The following GSK3B variants were observed in gnomAD, a reference collection of about 807,000 sequenced individuals.
GSK3B encodes the protein glycogen synthase kinase-3 beta.
GSK3B carries 15 observed loss-of-function variants against 56.4 expected under a neutral mutation model. The ratio of observed to expected loss-of-function variants is 0.27; its 90% CI spans 0.18 to 0.41. The LOEUF (loss-of-function observed/expected upper bound fraction) is 0.41, where lower values mean the gene tolerates loss of function less well. Among genes scored for constraint, GSK3B ranks in the 10% least tolerant of loss-of-function variants. The probability of loss-of-function intolerance (pLI) is 1.00; values close to 1 mark genes in which losing one functional copy is unlikely to be tolerated. For missense variants in GSK3B, 300 were observed against 513.4 expected (o/e 0.58, Z 4.02); for synonymous variants, 181 against 188.9 (o/e 0.96, Z 0.34).
chr3:119,944,163 A>G (rs1028495935), intron 3 of GSK3B, among the ~76,000 whole-genome samples: 2 of 152,122 alleles, frequency 1.3e-5, no homozygotes, highest in African/African-American at 4.8e-5. Context: ...CATCTTCACA[A>G]TGTCCTCAAC....
chr3:119,994,854 T>C (rs903420617), intron 2 of GSK3B, among the ~76,000 whole-genome samples: 3 of 152,084 alleles, frequency 2.0e-5, no homozygotes. Context: ...TTGGAACAAC[T>C]GGAGATATTT....
At chr3:119,949,770 GGCAACAGA>G (rs917385285) in intron 2 of GSK3B, among the ~76,000 whole-genome samples, 2 of 141,162 alleles carry the variant, frequency 1.4e-5, no homozygotes, top group African/African-American at 2.8e-5. Context: ...CACAGCACTG[GGCAACAGA>G]GCAAGACTCC....
chr3:119,912,936 G>A, intron 5 of GSK3B, 126 bp from the exon 6 acceptor site: 1 of 456,230 alleles, frequency 2.2e-6, no homozygotes, highest in Non-Finnish European at 3.9e-6. Context: ...AATCATATAT[G>A]AAAAAGAAAA....
chr3:120,025,251 T>C (rs1470314359), intron 1 of GSK3B, among the ~76,000 whole-genome samples: 4 of 152,056 alleles, frequency 2.6e-5, no homozygotes, highest in African/African-American at 9.7e-5. Flanking sequence ...GGTTGAGGCA[T>C]GAGAATCACT....
chr3:119,991,732 T>C (rs1391628354), intron 2 of GSK3B, among the ~76,000 whole-genome samples: 1 of 152,090 alleles, frequency 6.6e-6, no homozygotes, highest in East Asian at 1.9e-4. Context: ...GAGAAACAAA[T>C]AGGTCAATAT....
intron 2 of GSK3B, among the ~76,000 whole-genome samples, chr3:119,974,675 A>T (rs746867959): frequency 6.6e-6 from 1 of 152,252 alleles, no homozygotes; most frequent in Non-Finnish European, 1.5e-5. Context: ...ACCTGAACAG[A>T]TACCTCATCA....
intron 7 of GSK3B, among the ~76,000 whole-genome samples, chr3:119,905,363 G>T (rs921844392): frequency 6.6e-6 from 1 of 151,912 alleles, no homozygotes; most frequent in African/African-American, 2.4e-5. Flanking sequence ...CCAAATACAA[G>T]TATCTCCTAT....
chr3:119,993,996 C>T (rs1047919827), intron 2 of GSK3B, among the ~76,000 whole-genome samples: 2 of 152,114 alleles, frequency 1.3e-5, no homozygotes, highest in Non-Finnish European at 2.9e-5. Context: ...GCCTCAGCCT[C>T]CCTTACAGGC....
chr3:120,057,371 T>C (rs2058199836), intron 1 of GSK3B, among the ~76,000 whole-genome samples: 2 of 152,188 alleles, frequency 1.3e-5, no homozygotes, highest in African/African-American at 4.8e-5. Flanking sequence ...CAAAAATCTT[T>C]AAAGTATACA....
chr3:120,061,569 A>T (rs1320795636), intron 1 of GSK3B, among the ~76,000 whole-genome samples: 4 of 152,192 alleles, frequency 2.6e-5, no homozygotes, highest in Non-Finnish European at 4.4e-5. Context: ...CACTGTTTAG[A>T]CACTATTATT....
At chr3:120,062,731 T>C (rs548903523) in intron 1 of GSK3B, among the ~76,000 whole-genome samples, 1 of 152,358 alleles carries the variant, frequency 6.6e-6, no homozygotes, top group African/African-American at 2.4e-5. Flanking sequence ...TCCCCTACTT[T>C]TATGGAACTT....
chr3:119,832,420 C>T (rs1050238144), intron 10 of GSK3B, among the ~76,000 whole-genome samples: 3 of 152,196 alleles, frequency 2.0e-5, no homozygotes, highest in African/African-American at 7.2e-5. Context: ...CCCATAGAAA[C>T]TATGTGAGAT....
At chr3:120,020,049 T>C (rs1388887977) in intron 1 of GSK3B, among the ~76,000 whole-genome samples, 1 of 152,232 alleles carries the variant, frequency 6.6e-6, no homozygotes, top group Non-Finnish European at 1.5e-5. Flanking sequence ...AGCTAAAGCT[T>C]TTCTGTATAA....
intron 2 of GSK3B, among the ~76,000 whole-genome samples, chr3:119,997,307 T>C (rs1366350076): frequency 6.6e-6 from 1 of 152,028 alleles, no homozygotes; most frequent in African/African-American, 2.4e-5. Context: ...GAGGAAGACT[T>C]GCATTTACAT....
Position 120,094,402 on chromosome 3 carries a change from C to T in GSK3B, c.-968G>A, listed in dbSNP as rs2058546654. On this transcript the variant is annotated 5_prime_UTR_variant, in exon 1 of 11. Transcript: ENST00000264235. ...TTGGCCCGGGCGGCGGCGGCGGCGGCGGCGGCACAAGCCCGCATTCGCCCG... is the reference window on the plus strand; with the variant it reads ...TTGGCCCGGGCGGCGGCGGCGGCGGTGGCGGCACAAGCCCGCATTCGCCCG... 5 of 324,224 alleles carry T rather than the reference C, an allele frequency of 1.5e-5. No individual in the cohort carries two copies. Among genetic ancestry groups the T allele is most frequent in the East Asian group, 5.6e-5 (1 of 17,970 alleles). The allele number at this position is 324,224 out of a possible 1,614,324, so 20.1% of individuals were successfully genotyped here.
intron 1 of GSK3B, among the ~76,000 whole-genome samples, chr3:120,008,153 C>T (rs2057745680): frequency 6.6e-6 from 1 of 152,074 alleles, no homozygotes; most frequent in Admixed American, 6.6e-5. Flanking sequence ...GAATAAAATA[C>T]CTAGGAATAC....
intron 3 of GSK3B, among the ~76,000 whole-genome samples, chr3:119,945,544 C>A (rs1174921136): frequency 1.3e-5 from 2 of 152,146 alleles, no homozygotes; most frequent in Non-Finnish European, 2.9e-5. Context: ...TAAGTCAGGG[C>A]AAGAGCTGAC....
At chr3:119,881,229 T>C (rs1309235629) in intron 7 of GSK3B, among the ~76,000 whole-genome samples, 1 of 152,138 alleles carries the variant, frequency 6.6e-6, no homozygotes, top group Non-Finnish European at 1.5e-5. Flanking sequence ...ATGACTGCCT[T>C]AAAGTTCAAA....
chr3:119,947,376 T>C (rs200196630), intron 2 of GSK3B, 25 bp from the exon 3 acceptor site: 7 of 1,393,940 alleles, frequency 5.0e-6, no homozygotes, highest in Non-Finnish European at 7.1e-6. Flanking sequence ...CATAAAAATA[T>C]ATTTTTAAAG....
Sources: allele counts gnomAD v4.1 joint callset (sites outside exome capture counted in the v4.1 genomes callset), GRCh38; gene constraint gnomAD v4.1.1; transcripts MANE v1.5; gene names NCBI Gene and HGNC (gene_info 2026-07-23, HGNC 2026-07-21).